NDUFA13: variants seen among roughly 807,000 people sequenced by gnomAD.
The protein encoded by NDUFA13 is NADH dehydrogenase [ubiquinone] 1 alpha subcomplex subunit 13.
Under a neutral mutation model 17.0 loss-of-function variants are expected in NDUFA13, and 16 were observed. The observed-to-expected ratio is 0.94, with a 90% CI of 0.64 to 1.43. NDUFA13 has a LOEUF of 1.43. NDUFA13 is among the 40% of genes most tolerant of loss of function. The probability of loss-of-function intolerance (pLI) is 0.00; values close to 1 mark genes in which losing one functional copy is unlikely to be tolerated. For synonymous variants in NDUFA13, 87 were observed against 78.4 expected, an observed-to-expected ratio of 1.11 and a Z score of -0.58; for missense variants, 228 against 206.7, an observed-to-expected ratio of 1.10 and a Z score of -0.63.
chr19:19,527,160 C>CA, intron 2 of NDUFA13, 121 bp from the exon 3 acceptor site: 1 of 940,386 alleles, frequency 1.1e-6, no homozygotes. Flanking sequence ...TGCCCCCTGC[C>CA]TGCCTCCCCG....
chr19:19,525,843 C>T (rs1056384433), intron 1 of NDUFA13, among the ~76,000 whole-genome samples: 2 of 152,168 alleles, frequency 1.3e-5, no homozygotes, highest in African/African-American at 4.8e-5. Context: ...GCACGCGGAA[C>T]TGTGGCCCAG....
At chr19:19,526,877 T>C (rs1016819168) in intron 2 of NDUFA13, among the ~76,000 whole-genome samples, 3 of 152,184 alleles carry the variant, frequency 2.0e-5, no homozygotes, top group Non-Finnish European at 2.9e-5. Flanking sequence ...GGAAAGATTG[T>C]GGCCCCGCCT....
intron 1 of NDUFA13, among the ~76,000 whole-genome samples, chr19:19,521,930 T>C (rs770928493): frequency 6.6e-6 from 1 of 152,192 alleles, no homozygotes; most frequent in Non-Finnish European, 1.5e-5. Context: ...TATTGAATTA[T>C]TGAGTTGTAA....
In NDUFA13 at chr19:19,526,451, T is replaced by G. The variant is rs147845895; in HGVS notation, c.173+191T>G. ...TTCTAGGCTCTGTCCTCGAGATGTC[T>G]CCATGTCTGCAATCCCAGCACTTTG... On this transcript the variant is annotated intron_variant, in intron 2 of 4. Coordinates refer to ENST00000507754, the MANE Select transcript of NDUFA13 (RefSeq NM_015965.7). The G allele has an allele frequency of 7.5e-4, 499 of 663,778 alleles. 3 individuals are homozygous for G. The African/African-American group carries it at 8.1e-3, about 11-fold the overall frequency. The allele number at this position is 663,778 out of a possible 1,614,324, so 41.1% of individuals were successfully genotyped here.
chr19:19,522,267 T>G (rs1416839297), intron 1 of NDUFA13, among the ~76,000 whole-genome samples: 1 of 151,874 alleles, frequency 6.6e-6, no homozygotes, highest in East Asian at 2.0e-4. Flanking sequence ...ATTGTGCCAC[T>G]GCACTTCAGC....
At chr19:19,522,655 T>C (rs1265788929) in intron 1 of NDUFA13, among the ~76,000 whole-genome samples, 1 of 151,922 alleles carries the variant, frequency 6.6e-6, no homozygotes, top group Non-Finnish European at 1.5e-5. Flanking sequence ...ATTTTTTGTA[T>C]TTTTAGTAGA....
chr19:19,526,440 C>G (rs930599333), intron 2 of NDUFA13, 180 bp downstream of exon 2: 56 of 684,636 alleles, frequency 8.2e-5, no homozygotes, highest in Admixed American at 6.7e-4. Flanking sequence ...AGGCTCTGTC[C>G]TCGAGATGTC....
At chr19:19,525,064 A>AC (rs1485496269) in intron 1 of NDUFA13, among the ~76,000 whole-genome samples, 1 of 152,150 alleles carries the variant, frequency 6.6e-6, no homozygotes, top group East Asian at 1.9e-4. Flanking sequence ...AAGGAAAAAA[A>AC]AATGAACAAG....
chr19:19,522,770 G>A (rs1487964990), intron 1 of NDUFA13, among the ~76,000 whole-genome samples: 5 of 152,122 alleles, frequency 3.3e-5, no homozygotes, highest in Admixed American at 1.3e-4. Flanking sequence ...GAGCCACTGC[G>A]CCCGGCAGGT....
intron 1 of NDUFA13, among the ~76,000 whole-genome samples, chr19:19,524,833 A>G (rs1457418262): frequency 6.6e-6 from 1 of 152,024 alleles, no homozygotes; most frequent in Admixed American, 6.6e-5. Flanking sequence ...AAAAAAGAAA[A>G]GAACGAGATA....
At chr19:19,523,449 T>TG (rs912786859) in intron 1 of NDUFA13, among the ~76,000 whole-genome samples, 3 of 151,810 alleles carry the variant, frequency 2.0e-5, no homozygotes, top group African/African-American at 7.3e-5. Flanking sequence ...TTTCTTTTTT[T>TG]TTTGTTTTTG....
chr19:19,519,244 A>C (rs776162672), intron 1 of NDUFA13, among the ~76,000 whole-genome samples: 24 of 152,056 alleles, frequency 1.6e-4, no homozygotes, highest in Non-Finnish European at 3.1e-4. Flanking sequence ...TCAGGTGTGC[A>C]GCACAAGGTC....
At position 19,518,698 on chromosome 19, in the gene NDUFA13, G is replaced by A. The variant is rs545790823; in HGVS notation, c.94+2366G>A. The stretch of plus-strand genomic sequence containing the variant: ...CCTCCCTCGGCCTCCCTAGTATCTG[G>A]GATTACAGGTGGGCGCCACCATGCC... On this transcript the variant is annotated intron_variant, in intron 1 of 4. Transcript: ENST00000507754. Among the ~76,000 whole-genome samples the A allele has an allele frequency of 9.5e-5, 14 of 147,526 alleles. No homozygotes were observed. In the East Asian group the frequency reaches 1.9e-3, roughly 20 times the overall value.
chr19:19,528,119 A>G lies in NDUFA13; in HGVS notation c.428A>G (p.Tyr143Cys). ...ALHASHGFMWYT is the reference protein window; with the variant it reads ...ALHASHGFMWCT ...CATGCCAGCCACGGCTTCATGTGGT[A>G]CACGTAGGCCCTGTGCCCTCCGGCC... Residue 143 changes from tyrosine (Y) to cysteine (C), a missense_variant, in exon 5 of 5, where the codon TAC (tyrosine) becomes TGC (cysteine). By Grantham distance (194) the Tyr-to-Cys change is radical. Transcript: ENST00000507754. 1 of 1,611,668 alleles carries G rather than the reference A, an allele frequency of 6.2e-7. No individual in the cohort carries two copies. The highest frequency in any genetic ancestry group is 8.5e-7 in the Non-Finnish European group (1 of 1,179,952).
chr19:19,520,734 C>A (rs564686975), intron 1 of NDUFA13, among the ~76,000 whole-genome samples: 13 of 152,324 alleles, frequency 8.5e-5, no homozygotes, highest in African/African-American at 3.1e-4. Context: ...AGACCACTTT[C>A]ATTACCCAAA....
rs1282207331 is a variant in NDUFA13 at position 19,527,987 on chromosome 19, A to G, written c.316-20A>G. 3 of 1,612,268 alleles carry G rather than the reference A, an allele frequency of 1.9e-6. No individual in the cohort carries two copies. The highest frequency in any genetic ancestry group is 1.7e-5 in the Admixed American group (1 of 59,956). On this transcript the variant is annotated intron_variant, in intron 4 of 4. Transcript: ENST00000507754. ...TATATGGGTGGCTGTGCCTCTACCC[A>G]TACCCCACTGTCCCCACAGGTGGGG...
intron 1 of NDUFA13, among the ~76,000 whole-genome samples, chr19:19,525,840 G>A (rs1392780421): frequency 6.6e-6 from 1 of 152,166 alleles, no homozygotes; most frequent in Non-Finnish European, 1.5e-5. Context: ...GCAGCACGCG[G>A]AACTGTGGCC....
chr19:19,525,932 C>A, intron 1 of NDUFA13: 1 of 1,104,134 alleles, frequency 9.1e-7, no homozygotes, highest in Non-Finnish European at 1.2e-6. Context: ...GTCCAAACAG[C>A]CTTCTAGAAC....
At chr19:19,522,935 A>G (rs142201631) in intron 1 of NDUFA13, among the ~76,000 whole-genome samples, 15 of 152,358 alleles carry the variant, frequency 9.8e-5, no homozygotes, top group Non-Finnish European at 1.9e-4. Flanking sequence ...TCAATTGACC[A>G]TAAATGTGAG....
Sources: allele counts gnomAD v4.1 joint callset (sites outside exome capture counted in the v4.1 genomes callset), GRCh38; gene constraint gnomAD v4.1.1; transcripts MANE v1.5; gene names NCBI Gene and HGNC (gene_info 2026-07-23, HGNC 2026-07-21).